SLC9C1: variants seen among roughly 807,000 people sequenced by gnomAD.
SLC9C1 encodes the protein solute carrier family 9 member C1.
Under a neutral mutation model 140.9 loss-of-function variants are expected in SLC9C1, and 97 were observed. The ratio of observed to expected loss-of-function variants is 0.69; its 90% CI spans 0.58 to 0.82. SLC9C1 has a LOEUF of 0.82. Ranked by LOEUF, SLC9C1 falls within the 40% of genes least tolerant of loss-of-function variation. The pLI is 0.00. For synonymous variants in SLC9C1, 440 were observed against 442.6 expected, an observed-to-expected ratio of 0.99 and a Z score of 0.07; for missense variants, 1,340 against 1,389.3, an observed-to-expected ratio of 0.96 and a Z score of 0.56.
At chr3:112,209,447 G>A (rs868164940) in intron 15 of SLC9C1, among the ~76,000 whole-genome samples, 3 of 152,042 alleles carry the variant, frequency 2.0e-5, no homozygotes, top group Non-Finnish European at 4.4e-5. Flanking sequence ...TTAAATTTAT[G>A]GTTAAATTTG....
At chr3:112,242,761 A>G (rs570057137) in intron 11 of SLC9C1, among the ~76,000 whole-genome samples, 10 of 152,210 alleles carry the variant, frequency 6.6e-5, no homozygotes, top group Non-Finnish European at 1.3e-4. Flanking sequence ...TACACATTCT[A>G]TACCCGTATC....
chr3:112,177,537 C>G (rs897257511), intron 23 of SLC9C1, among the ~76,000 whole-genome samples: 1 of 149,626 alleles, frequency 6.7e-6, no homozygotes, highest in Non-Finnish European at 1.5e-5. Context: ...GGATCGCCAT[C>G]TTCTGCTTGG....
intron 20 of SLC9C1, among the ~76,000 whole-genome samples, chr3:112,193,352 C>CT (rs1166232533): frequency 6.6e-6 from 1 of 152,012 alleles, no homozygotes; most frequent in Non-Finnish European, 1.5e-5. Flanking sequence ...ATTGGATGGG[C>CT]TTTTTTTCTG....
intron 10 of SLC9C1, among the ~76,000 whole-genome samples, chr3:112,253,379 A>G (rs2079517824): frequency 6.6e-6 from 1 of 152,164 alleles, no homozygotes; most frequent in South Asian, 2.1e-4. Flanking sequence ...TGTTCAGGGC[A>G]TTGACAGAGA....
chr3:112,244,192 G>A, intron 10 of SLC9C1, 116 bp from the exon 11 acceptor site: 1 of 531,624 alleles, frequency 1.9e-6, no homozygotes, highest in Non-Finnish European at 3.1e-6. Flanking sequence ...GTTGTACTGT[G>A]TTAATAGATG....
intron 11 of SLC9C1, 69 bp from the exon 12 acceptor site, chr3:112,240,075 C>A: frequency 7.1e-7 from 1 of 1,413,260 alleles, no homozygotes; most frequent in Non-Finnish European, 9.5e-7. Flanking sequence ...AGAAAGCTTA[C>A]TTTTGTTTTT....
At chr3:112,227,855 T>A (rs544320672) in intron 13 of SLC9C1, among the ~76,000 whole-genome samples, 4 of 152,046 alleles carry the variant, frequency 2.6e-5, no homozygotes, top group East Asian at 1.9e-4. Context: ...CATTTAACCA[T>A]GAAAATGAAA....
chr3:112,185,991 G>C, intron 20 of SLC9C1: 1 of 1,547,232 alleles, frequency 6.5e-7, no homozygotes, highest in East Asian at 2.3e-5. Context: ...TGGGACCCAG[G>C]CCCCGCGGTA....
At chr3:112,274,857 G>A in intron 6 of SLC9C1, 40 bp downstream of exon 6, 1 of 1,439,712 alleles carries the variant, frequency 6.9e-7, no homozygotes. Flanking sequence ...GAAAATACAG[G>A]ATTCTGATGT....
chr3:112,269,140 C>T (rs1301966270), intron 7 of SLC9C1, among the ~76,000 whole-genome samples: 2 of 152,170 alleles, frequency 1.3e-5, no homozygotes, highest in Non-Finnish European at 1.5e-5. Context: ...GTTAGAGAGA[C>T]GGCTTCTCTC....
chr3:112,272,737 A>T (rs2080109995), intron 6 of SLC9C1, among the ~76,000 whole-genome samples: 1 of 152,182 alleles, frequency 6.6e-6, no homozygotes, highest in African/African-American at 2.4e-5. Flanking sequence ...AAATACAAAA[A>T]AATAAAGTTC....
At chr3:112,228,647 A>C (rs544572432) in intron 13 of SLC9C1, among the ~76,000 whole-genome samples, 1 of 152,292 alleles carries the variant, frequency 6.6e-6, no homozygotes, top group South Asian at 2.1e-4. Context: ...CTAAGGCATT[A>C]ATATCCAGAA....
chr3:112,274,750 T>A, intron 6 of SLC9C1, 147 bp downstream of exon 6: 1 of 739,448 alleles, frequency 1.4e-6, no homozygotes, highest in Non-Finnish European at 1.9e-6. Context: ...TGTGTAATAG[T>A]GCTTTGTAAA....
rs1444398747 is a variant in SLC9C1 at position 112,154,981 on chromosome 3, G to T, written c.3417+16C>A. ...TACCCAAAATACAACTTTTAGAAAGGCTGCTTTAAATTTACCTCCTTAACA... is the reference window on the plus strand; with the variant it reads ...TACCCAAAATACAACTTTTAGAAAGTCTGCTTTAAATTTACCTCCTTAACA... On this transcript the variant is annotated intron_variant, in intron 27 of 28. Transcript: ENST00000305815. The T allele has an allele frequency of 6.2e-6, 10 of 1,606,744 alleles. No homozygotes were observed. Among genetic ancestry groups the T allele is most frequent in the African/African-American group, 2.7e-5 (2 of 74,452 alleles).
chr3:112,264,644 G>C (rs2079869691), intron 8 of SLC9C1, among the ~76,000 whole-genome samples: 1 of 151,882 alleles, frequency 6.6e-6, no homozygotes, highest in South Asian at 2.1e-4. Flanking sequence ...AGGTACTAGA[G>C]GGCATATAGT....
intron 16 of SLC9C1, among the ~76,000 whole-genome samples, chr3:112,207,954 A>G (rs2078101064): frequency 6.6e-6 from 1 of 152,188 alleles, no homozygotes; most frequent in Non-Finnish European, 1.5e-5. Context: ...GACACACACC[A>G]TTTTAAAATT....
chr3:112,150,329 G>GT (rs2074920447), intron 28 of SLC9C1, among the ~76,000 whole-genome samples: 2 of 152,154 alleles, frequency 1.3e-5, no homozygotes, highest in South Asian at 2.1e-4. Context: ...TTAACTCGAG[G>GT]GCTAGGGGAG....
At chr3:112,146,789 A>G (rs1310140916) in intron 28 of SLC9C1, among the ~76,000 whole-genome samples, 2 of 152,100 alleles carry the variant, frequency 1.3e-5, no homozygotes, top group Admixed American at 6.6e-5. Flanking sequence ...ATTGTGGTTG[A>G]TGGGTGGCGT....
intron 16 of SLC9C1, among the ~76,000 whole-genome samples, chr3:112,206,782 G>C (rs2078063414): frequency 6.7e-6 from 1 of 149,700 alleles, no homozygotes. Flanking sequence ...TCGTAGGTGG[G>C]ATGTGAACAA....
Sources: gnomAD v4.1 joint callset for allele counts (sites outside exome capture counted in the v4.1 genomes callset) on GRCh38, gnomAD v4.1.1 for gene constraint, MANE v1.5 for transcripts, NCBI Gene and HGNC (gene_info 2026-07-23, HGNC 2026-07-21) for gene names.